The following MSRA variants were observed in gnomAD, a reference collection of about 807,000 sequenced individuals.
MSRA encodes methionine sulfoxide reductase A.
MSRA carries 54 observed loss-of-function variants against 31.3 expected under a neutral mutation model. The ratio of observed to expected loss-of-function variants is 1.73; its 90% CI spans 1.39 to 2.17. MSRA has a LOEUF of 2.17. Among genes scored for constraint, MSRA ranks in the 30% most tolerant of loss-of-function variants. MSRA has a pLI of 0.00. For synonymous variants in MSRA, 169 were observed against 116.5 expected, an observed-to-expected ratio of 1.45 and a Z score of -2.90; for missense variants, 507 against 300.9, an observed-to-expected ratio of 1.69 and a Z score of -5.07.
chr8:10,130,063 A>G (rs1412928009), intron 1 of MSRA, among the ~76,000 whole-genome samples: 1 of 152,174 alleles, frequency 6.6e-6, no homozygotes, highest in South Asian at 2.1e-4. Flanking sequence ...CATGGGTGGG[A>G]TGTTGAAGGG....
intron 1 of MSRA, among the ~76,000 whole-genome samples, chr8:10,108,330 T>A (rs575501958): frequency 6.6e-6 from 1 of 152,308 alleles, no homozygotes; most frequent in South Asian, 2.1e-4. Flanking sequence ...CTCCTGTTTG[T>A]TGAGCCCTCA....
intron 1 of MSRA, among the ~76,000 whole-genome samples, chr8:10,072,502 A>C (rs1055994316): frequency 6.6e-6 from 1 of 152,136 alleles, no homozygotes; most frequent in Admixed American, 6.5e-5. Flanking sequence ...TGTCTTGGTT[A>C]TGATGGTTAT....
At chr8:10,364,322 G>A (rs1353117332) in intron 5 of MSRA, among the ~76,000 whole-genome samples, 2 of 152,160 alleles carry the variant, frequency 1.3e-5, no homozygotes, top group African/African-American at 2.4e-5. Context: ...CATCAACACA[G>A]GCTCCTGGGG....
At chr8:10,198,202 AG>A (rs1165834520) in intron 1 of MSRA, among the ~76,000 whole-genome samples, 1 of 152,230 alleles carries the variant, frequency 6.6e-6, no homozygotes, top group African/African-American at 2.4e-5. Flanking sequence ...TAAAGAAGGA[AG>A]CAAAATCACC....
At chr8:10,318,019 C>T (rs945226760) in intron 4 of MSRA, among the ~76,000 whole-genome samples, 22 of 152,186 alleles carry the variant, frequency 1.4e-4, no homozygotes, top group South Asian at 6.2e-4. Flanking sequence ...GTCCTCAGAA[C>T]GTTCCAAGCT....
intron 3 of MSRA, among the ~76,000 whole-genome samples, chr8:10,296,074 C>G (rs747123996): frequency 3.8e-4 from 58 of 152,178 alleles, no homozygotes; most frequent in Non-Finnish European, 7.6e-4. Flanking sequence ...CCTTTTGCCA[C>G]TTCATCAAAA....
At chr8:10,262,803 A>T (rs1435537367) in intron 3 of MSRA, among the ~76,000 whole-genome samples, 3 of 152,356 alleles carry the variant, frequency 2.0e-5, no homozygotes, top group East Asian at 3.9e-4. Context: ...TTCTCCCAGA[A>T]AGTCAGGTTG....
At chr8:10,109,342 CT>C (rs58003322) in intron 1 of MSRA, among the ~76,000 whole-genome samples, 9,455 of 144,746 alleles carry the variant, frequency 0.065, 905 homozygotes, top group African/African-American at 0.21. Flanking sequence ...CTTTTCTTTT[CT>C]TTTTTTTTTT....
chr8:10,191,714 T>C (rs1425670635), intron 1 of MSRA, among the ~76,000 whole-genome samples: 1 of 151,842 alleles, frequency 6.6e-6, no homozygotes, highest in Non-Finnish European at 1.5e-5. Flanking sequence ...TCAGTTAGAC[T>C]GGAAATATAT....
intron 1 of MSRA, among the ~76,000 whole-genome samples, chr8:10,079,241 C>T (rs6990444): frequency 1.3e-5 from 2 of 152,018 alleles, no homozygotes; most frequent in East Asian, 1.9e-4. Flanking sequence ...TTACTGCAGC[C>T]TCGACATCCT....
At chr8:10,117,928 T>G (rs1459580466) in intron 1 of MSRA, among the ~76,000 whole-genome samples, 1 of 152,210 alleles carries the variant, frequency 6.6e-6, no homozygotes, top group Non-Finnish European at 1.5e-5. Context: ...CCTTTCATCT[T>G]GATCAGGAGA....
At chr8:10,219,402 C>G (rs543906998) in intron 2 of MSRA, among the ~76,000 whole-genome samples, 1 of 152,182 alleles carries the variant, frequency 6.6e-6, no homozygotes, top group Non-Finnish European at 1.5e-5. Flanking sequence ...TACTGACCCA[C>G]TTCTTTTTTA....
At chr8:10,368,031 G>A (rs570239173) in intron 5 of MSRA, among the ~76,000 whole-genome samples, 8 of 152,240 alleles carry the variant, frequency 5.3e-5, no homozygotes, top group Middle Eastern at 3.4e-3. Context: ...TGGAGCTGCC[G>A]GACGGTAGAA....
At chr8:10,389,866 C>G (rs984839246) in intron 5 of MSRA, among the ~76,000 whole-genome samples, 6 of 147,166 alleles carry the variant, frequency 4.1e-5, no homozygotes, top group Non-Finnish European at 8.9e-5. Context: ...ACACTGTTGC[C>G]TGAAATGCAA....
Position 10,212,365 on chromosome 8 carries a change from A to G in MSRA, c.211+4464A>G, listed in dbSNP as rs190497238. Reference sequence around the variant, plus strand: ...TAATGTCCCCCTTTAACGAGGTTGTATATTATAACGTATTGCACCAAGAAT... The same window carrying G: ...TAATGTCCCCCTTTAACGAGGTTGTGTATTATAACGTATTGCACCAAGAAT... On this transcript the variant is annotated intron_variant, in intron 2 of 5. Transcript: ENST00000317173. Among the ~76,000 whole-genome samples the G allele has an allele frequency of 1.6e-4, 24 of 152,308 alleles. 1 individual carries two copies. The highest frequency in any genetic ancestry group is 4.3e-4 in the African/African-American group (18 of 41,566).
At chr8:10,260,295 C>G (rs1223424941) in intron 3 of MSRA, among the ~76,000 whole-genome samples, 20 of 152,118 alleles carry the variant, frequency 1.3e-4, no homozygotes, top group Admixed American at 1.2e-3. Flanking sequence ...TTAATACCAC[C>G]ACGCCTGGCC....
intron 4 of MSRA, among the ~76,000 whole-genome samples, chr8:10,316,883 C>T (rs548844089): frequency 3.3e-5 from 5 of 152,196 alleles, no homozygotes; most frequent in Non-Finnish European, 7.4e-5. Flanking sequence ...TCACAGAGAC[C>T]CTACTTTCCA....
intron 1 of MSRA, among the ~76,000 whole-genome samples, chr8:10,160,457 C>A (rs993470013): frequency 6.6e-6 from 1 of 151,330 alleles, no homozygotes; most frequent in South Asian, 2.1e-4. Flanking sequence ...ATGGTGCCAC[C>A]GCACTCTAGC....
intron 2 of MSRA, among the ~76,000 whole-genome samples, chr8:10,234,261 A>T (rs758762196): frequency 8.5e-5 from 13 of 152,208 alleles, no homozygotes; most frequent in Non-Finnish European, 1.6e-4. Flanking sequence ...AATTTTAAAA[A>T]AATAACCCTC....
Sources: gnomAD v4.1 joint callset for allele counts (sites outside exome capture counted in the v4.1 genomes callset) on GRCh38, gnomAD v4.1.1 for gene constraint, MANE v1.5 for transcripts, NCBI Gene and HGNC (gene_info 2026-07-23, HGNC 2026-07-21) for gene names.